Variants in UBC observed in about 807,000 individuals in gnomAD.
UBC encodes the protein polyubiquitin-C.
A neutral mutation model predicts 34.7 loss-of-function variants in UBC; 8 were observed. That is an observed-to-expected ratio of 0.23 (90% CI 0.14 to 0.42). The LOEUF (loss-of-function observed/expected upper bound fraction) is 0.42, where lower values mean the gene tolerates loss of function less well. Ranked by LOEUF, UBC falls within the 10% of genes least tolerant of loss-of-function variation. UBC has a pLI of 1.00. For missense variants in UBC, 323 were observed against 750.3 expected (o/e 0.43, Z 6.65); for synonymous variants, 367 against 299.8 (o/e 1.22, Z -2.32).
chr12:124,913,207 G>C lies in UBC; in HGVS notation c.565C>G (p.Pro189Ala). The part of the protein sequence containing the change: ...KAKIQDKEGI[P>A]PDQQRLIFAG... ...AAGATCAACCTCTGCTGATCAGGAG[G>C]AATGCCTTCCTTATCTTGGATCTTT... The change falls in exon 2 of 2, where the codon CCT (proline) becomes GCT (alanine). Residue 189 changes from proline (P) to alanine (A), a missense_variant. By Grantham distance (27) the Pro-to-Ala change is conservative (BLOSUM62 -1). Coordinates refer to ENST00000339647, the MANE Select transcript of UBC (RefSeq NM_021009.7). 1 of 1,611,674 alleles carries C rather than the reference G, an allele frequency of 6.2e-7. No homozygotes were observed. The highest frequency in any genetic ancestry group is 1.7e-5 in the Admixed American group (1 of 59,870).
In UBC at chr12:124,913,232, T is replaced by G. The variant is rs781810007; in HGVS notation, c.540A>C (p.Ala180=). The change falls in exon 2 of 2, where the codon GCA becomes GCC. Residue 180 remains alanine, a synonymous_variant. Coordinates refer to ENST00000339647, the MANE Select transcript of UBC (RefSeq NM_021009.7). ...EPSDTIENVK[A]KIQDKEGIPP... ...GAATGCCTTCCTTATCTTGGATCTT[T>G]GCCTTGACATTCTCGATGGTGTCAC... 1 of 1,611,652 alleles carries G rather than the reference T, an allele frequency of 6.2e-7. No individual in the cohort carries two copies. Among genetic ancestry groups the G allele is most frequent in the South Asian group, 1.1e-5 (1 of 90,872 alleles).
chr12:124,913,659 G>A lies in UBC; in HGVS notation c.113C>T (p.Pro38Leu), dbSNP rs373764317. Reference sequence around the variant, plus strand: ...AGCAAAGATCAGCCTCTGCTGGTCAGGAGGGATGCCTTCCTTATCTTGGAT... The same window carrying A: ...AGCAAAGATCAGCCTCTGCTGGTCAAGAGGGATGCCTTCCTTATCTTGGAT... ...AKIQDKEGIPPDQQRLIFAGK... is the reference protein window; with the variant it reads ...AKIQDKEGIPLDQQRLIFAGK... The change falls in exon 2 of 2, where the codon CCT (proline) becomes CTT (leucine). Residue 38 changes from proline (P) to leucine (L), a missense_variant. This residue lies in a region of UBC where 202 missense variants were observed against 361.9 expected (regional missense o/e 0.56). Transcript: ENST00000339647. The A allele has an allele frequency of 6.2e-7, 1 of 1,613,478 alleles. No homozygotes were observed. Among genetic ancestry groups the A allele is most frequent in the African/African-American group, 1.3e-5 (1 of 74,714 alleles).
At position 124,913,734 on chromosome 12, in the gene UBC, A is replaced by T. The variant is rs756354398; in HGVS notation, c.38T>A (p.Ile13Asn). 12 of 1,612,894 alleles carry T rather than the reference A, an allele frequency of 7.4e-6. No individual in the cohort carries two copies. Among genetic ancestry groups the T allele is most frequent in the Non-Finnish European group, 4.2e-6 (5 of 1,179,604 alleles). ...GTCACTGGGCTCAACCTCGAGGGTG[A>T]TGGTCTTACCAGTCAGAGTCTTCAC... The part of the protein sequence containing the change: ...IFVKTLTGKT[I>N]TLEVEPSDTI... Residue 13 changes from isoleucine to asparagine, a missense_variant, in exon 2 of 2, where the codon ATC becomes AAC. This residue lies in a region of UBC where 202 missense variants were observed against 361.9 expected (regional missense o/e 0.56). Coordinates refer to ENST00000339647, the MANE Select transcript of UBC (RefSeq NM_021009.7).
chr12:124,913,844 T>C (rs1164137286), intron 1 of UBC, 70 bp from the exon 2 acceptor site: 8 of 1,579,686 alleles, frequency 5.1e-6, no homozygotes, highest in East Asian at 2.2e-5. Context: ...AAATTACATA[T>C]TGACCCAAAT....
chr12:124,913,440 C>G lies in UBC; in HGVS notation c.332G>C (p.Gly111Ala), dbSNP rs754256622. The change falls in exon 2 of 2, where the codon GGC (glycine) becomes GCC (alanine). Residue 111 changes from glycine to alanine, a missense_variant. Gly to Ala is a moderately conservative substitution (Grantham distance 60, BLOSUM62 0). Around this residue, in one of 5 missense-constraint regions of UBC, gnomAD observed 202 missense variants for 361.9 expected, o/e 0.56. Coordinates refer to ENST00000339647, the MANE Select transcript of UBC (RefSeq NM_021009.7). ...NVKAKIQDKEGIPPDQQRLIF... is the reference protein window; with the variant it reads ...NVKAKIQDKEAIPPDQQRLIF... ...CAACCTCTGCTGGTCAGGAGGAATG[C>G]CTTCCTTGTCCTGGATCTTTGCTTT... is the stretch of plus-strand genomic sequence containing the variant. The G allele has an allele frequency of 6.2e-7, 1 of 1,611,684 alleles. No individual in the cohort carries two copies. Among genetic ancestry groups the G allele is most frequent in the Non-Finnish European group, 8.5e-7 (1 of 1,179,502 alleles).
chr12:124,914,092 A>G (rs763696031), intron 1 of UBC: 10 of 379,966 alleles, frequency 2.6e-5, no homozygotes, highest in Non-Finnish European at 4.3e-5. Context: ...CCGCACACCT[A>G]CCGGCAGGTG....
Position 124,913,424 on chromosome 12 carries a change from C to T in UBC, c.348G>A (p.Gln116=), listed in dbSNP as rs761649154. The T allele has an allele frequency of 2.5e-6, 4 of 1,611,548 alleles. No homozygotes were observed. Among genetic ancestry groups the T allele is most frequent in the Non-Finnish European group, 3.4e-6 (4 of 1,179,454 alleles). Residue 116 remains glutamine (Q), a synonymous_variant, in exon 2 of 2, where the codon CAG becomes CAA. Transcript: ENST00000339647. ...GCTTTCCGGCAAAGATCAACCTCTG[C>T]TGGTCAGGAGGAATGCCTTCCTTGT... The part of the protein sequence containing the change: ...IQDKEGIPPD[Q]QRLIFAGKQL...
Position 124,913,658 on chromosome 12 carries a change from A to G in UBC, c.114T>C (p.Pro38=). 6.2e-7 allele frequency: 1 copy of G among 1,613,636 alleles called. No individual in the cohort carries two copies. Among genetic ancestry groups the G allele is most frequent in the African/African-American group, 1.3e-5 (1 of 74,874 alleles). ...CAGCAAAGATCAGCCTCTGCTGGTCAGGAGGGATGCCTTCCTTATCTTGGA... is the reference window on the plus strand; with the variant it reads ...CAGCAAAGATCAGCCTCTGCTGGTCGGGAGGGATGCCTTCCTTATCTTGGA... ...AKIQDKEGIP[P]DQQRLIFAGK... is the part of the protein sequence containing the mutation. The change falls in exon 2 of 2, where the codon CCT becomes CCC. Residue 38 remains proline, a synonymous_variant. Transcript: ENST00000339647.
In UBC at chr12:124,913,484, A is replaced by C; in HGVS notation, c.288T>G (p.Ser96Arg). 6.2e-7 allele frequency: 1 copy of C among 1,610,988 alleles called. No homozygotes were observed. The highest frequency in any genetic ancestry group is 8.5e-7 in the Non-Finnish European group (1 of 1,179,026). ...GKTITLEVEP[S>R]DTIENVKAKI... The stretch of plus-strand genomic sequence containing the variant: ...TTGCTTTGACGTTCTCGATGGTGTC[A>C]CTGGGCTCGACCTCAAGGGTGATGG... The change falls in exon 2 of 2, where the codon AGT becomes AGG. Residue 96 changes from serine (S) to arginine (R), a missense_variant. Ser to Arg is a moderately radical substitution (Grantham distance 110, BLOSUM62 -1). Around this residue, in one of 5 missense-constraint regions of UBC, gnomAD observed 202 missense variants for 361.9 expected, o/e 0.56. Transcript: ENST00000339647.
chr12:124,914,367 C>G (rs1053030985), intron 1 of UBC: 1 of 157,166 alleles, frequency 6.4e-6, no homozygotes, highest in African/African-American at 2.4e-5. Flanking sequence ...CCATGCCCCC[C>G]ACCTTGTTTC....
intron 1 of UBC, chr12:124,914,014 G>A (rs1953570414): frequency 1.6e-6 from 1 of 608,220 alleles, no homozygotes; most frequent in Non-Finnish European, 2.7e-6. Context: ...CCAGAGGTCC[G>A]GCGCCTGTCG....
intron 1 of UBC, 106 bp from the exon 2 acceptor site, chr12:124,913,880 A>G (rs1953566193): frequency 2.0e-6 from 3 of 1,516,756 alleles, no homozygotes; most frequent in Non-Finnish European, 2.7e-6. Flanking sequence ...GGTGCCTAAA[A>G]AACTTCACAA....
At chr12:124,913,876 T>TA in intron 1 of UBC, 102 bp from the exon 2 acceptor site, 3 of 1,537,846 alleles carry the variant, frequency 2.0e-6, no homozygotes, top group Non-Finnish European at 2.6e-6. Context: ...AAAAGGTGCC[T>TA]AAAAAACTTC....
chr12:124,913,376 C>G lies in UBC; in HGVS notation c.396G>C (p.Leu132=), dbSNP rs1417819843. 6.2e-7 allele frequency: 1 copy of G among 1,610,452 alleles called. No individual in the cohort carries two copies. Among genetic ancestry groups the G allele is most frequent in the Non-Finnish European group, 8.5e-7 (1 of 1,178,984 alleles). The change falls in exon 2 of 2, where the codon CTG becomes CTC. Residue 132 remains leucine, a synonymous_variant. Coordinates refer to ENST00000339647, the MANE Select transcript of UBC (RefSeq NM_021009.7). ...AGKQLEDGRT[L]SDYNIQKEST... ...ACTCTTTCTGGATGTTGTAGTCAGA[C>G]AGGGTGCGCCCATCTTCCAGCTGCT...
Position 124,911,849 on chromosome 12 carries a change from C to T in UBC, c.1923G>A (p.Lys641=), listed in dbSNP as rs1953530900. ...IENVKAKIQD[K]EGIPPDQQRL... ...TCTGCTGATCAGGAGGGATGCCTTC[C>T]TTATCTTGGATCTTTGCCTTGACAT... Residue 641 remains lysine, a synonymous_variant, in exon 2 of 2, where the codon AAG becomes AAA. Coordinates refer to ENST00000339647, the MANE Select transcript of UBC (RefSeq NM_021009.7). 6.2e-7 allele frequency: 1 copy of T among 1,611,448 alleles called. No homozygotes were observed. The highest frequency in any genetic ancestry group is 1.3e-5 in the African/African-American group (1 of 74,178).
chr12:124,913,888 C>G (rs1208079534), intron 1 of UBC, 114 bp from the exon 2 acceptor site: 6 of 1,498,832 alleles, frequency 4.0e-6, no homozygotes, highest in Non-Finnish European at 5.4e-6. Flanking sequence ...AAAAACTTCA[C>G]AAAACACACT....
At chr12:124,914,425 G>C (rs1026566216) in intron 1 of UBC, 162 bp downstream of exon 1, 2 of 155,280 alleles carry the variant, frequency 1.3e-5, no homozygotes, top group African/African-American at 2.4e-5. Context: ...CAAGACTCGG[G>C]AACAGCCGCC....
Position 124,913,246 on chromosome 12 carries a change from C to G in UBC, c.526G>C (p.Glu176Gln). 6.2e-7 allele frequency: 1 copy of G among 1,611,192 alleles called. No homozygotes were observed. The highest frequency in any genetic ancestry group is 8.5e-7 in the Non-Finnish European group (1 of 1,178,622). Reference sequence around the variant, plus strand: ...TCTTGGATCTTTGCCTTGACATTCTCGATGGTGTCACTGGGCTCCACCTCG... The same window carrying G: ...TCTTGGATCTTTGCCTTGACATTCTGGATGGTGTCACTGGGCTCCACCTCG... Reference protein sequence around the residue: ...TLEVEPSDTIENVKAKIQDKE... With the variant: ...TLEVEPSDTIQNVKAKIQDKE... Residue 176 changes from glutamate (E) to glutamine (Q), a missense_variant, in exon 2 of 2, where the codon GAG becomes CAG. Glu to Gln is a conservative substitution (Grantham distance 29). Transcript: ENST00000339647.
intron 1 of UBC, chr12:124,914,089 C>G: frequency 5.1e-6 from 2 of 395,726 alleles, no homozygotes; most frequent in Admixed American, 4.3e-5. Context: ...CTACCGCACA[C>G]CTACCGGCAG....
Sources: gnomAD v4.1 joint callset for allele counts on GRCh38, gnomAD v4.1.1 for gene constraint, gnomAD v4.1.1 regional missense constraint, MANE v1.5 for transcripts, NCBI Gene and HGNC (gene_info 2026-07-23, HGNC 2026-07-21) for gene names.